Variants in SCHIP1 observed in about 807,000 individuals in gnomAD.
SCHIP1 encodes schwannomin-interacting protein 1.
A neutral mutation model predicts 29.7 loss-of-function variants in SCHIP1; 8 were observed. The observed-to-expected ratio is 0.27, with a 90% CI of 0.16 to 0.49. SCHIP1 has a LOEUF of 0.49. Among genes scored for constraint, SCHIP1 ranks in the 20% least tolerant of loss-of-function variants. The pLI is 0.99. For synonymous variants in SCHIP1, 76 were observed against 94.9 expected (o/e 0.80, Z 1.16); for missense variants, 193 against 294.6 (o/e 0.66, Z 2.52).
chr3:159,695,158 C>T, the SCHIP1 span, among the ~76,000 whole-genome samples: 2 of 152,158 alleles, frequency 1.3e-5, no homozygotes, highest in Non-Finnish European at 2.9e-5. Context: ...ACTAGAGATC[C>T]TATGCTGACC....
At chr3:159,750,884 C>T in the SCHIP1 span, among the ~76,000 whole-genome samples, 8 of 121,384 alleles carry the variant, frequency 6.6e-5, no homozygotes, top group Non-Finnish European at 1.4e-4. Context: ...TTAAAAGACT[C>T]TTCATTTTCC....
At chr3:159,479,661 A>C in the SCHIP1 span, among the ~76,000 whole-genome samples, 1 of 152,196 alleles carries the variant, frequency 6.6e-6, no homozygotes, top group Non-Finnish European at 1.5e-5. Flanking sequence ...TACCTTAAAA[A>C]AAGGATTTCC....
chr3:159,805,222 A>G, the SCHIP1 span, among the ~76,000 whole-genome samples: 5 of 152,192 alleles, frequency 3.3e-5, no homozygotes, highest in Admixed American at 6.5e-5. Context: ...AAGAGCAACT[A>G]CAGTGCCTAT....
chr3:159,582,613 A>G, the SCHIP1 span, among the ~76,000 whole-genome samples: 14 of 152,244 alleles, frequency 9.2e-5, no homozygotes, highest in African/African-American at 3.1e-4. Flanking sequence ...ATATAATGCT[A>G]TTGCACACTT....
At chr3:159,654,580 T>C in the SCHIP1 span, among the ~76,000 whole-genome samples, 1 of 152,002 alleles carries the variant, frequency 6.6e-6, no homozygotes, top group South Asian at 2.1e-4. Context: ...GTCTGGTGCC[T>C]ATAATTTGAG....
chr3:159,630,522 G>A, the SCHIP1 span, among the ~76,000 whole-genome samples: 7 of 152,158 alleles, frequency 4.6e-5, no homozygotes, highest in African/African-American at 1.4e-4. Context: ...ACTAAATAAT[G>A]GCATTTGCAG....
chr3:159,708,107 C>T, the SCHIP1 span, among the ~76,000 whole-genome samples: 2 of 152,188 alleles, frequency 1.3e-5, no homozygotes, highest in Non-Finnish European at 2.9e-5. Context: ...ACAAAGTGGG[C>T]CTGAGTCTTC....
the SCHIP1 span, among the ~76,000 whole-genome samples, chr3:159,493,441 G>A: frequency 5.9e-5 from 9 of 152,092 alleles, no homozygotes; most frequent in Non-Finnish European, 1.2e-4. Flanking sequence ...AAAAAGGCAG[G>A]GGTTGCAATC....
chr3:159,337,091 A>G, the SCHIP1 span, among the ~76,000 whole-genome samples: 9 of 152,334 alleles, frequency 5.9e-5, no homozygotes, highest in African/African-American at 2.2e-4. Flanking sequence ...GAACCAATGA[A>G]GAAAACCATG....
At chr3:159,737,835 C>T in the SCHIP1 span, among the ~76,000 whole-genome samples, 6 of 152,080 alleles carry the variant, frequency 3.9e-5, no homozygotes, top group East Asian at 3.9e-4. Context: ...GATGGGTGCT[C>T]GGTGGGAGAG....
chr3:159,704,417 T>TAAAAAAAAAAAAAAAAAAAAAAAAAAAAA, the SCHIP1 span, among the ~76,000 whole-genome samples: 1 of 92,620 alleles, frequency 1.1e-5, no homozygotes, highest in African/African-American at 4.1e-5. Flanking sequence ...CAATTTTTTC[T>TAAAAAAAAAAAAAAAAAAAAAAAAAAAAA]AAAAAAAAAA....
the SCHIP1 span, among the ~76,000 whole-genome samples, chr3:159,824,443 C>T: frequency 6.6e-6 from 1 of 152,184 alleles, no homozygotes; most frequent in Non-Finnish European, 1.5e-5. Context: ...AGAAGGCATA[C>T]TGGCCTCATT....
the SCHIP1 span, among the ~76,000 whole-genome samples, chr3:159,438,151 G>C: frequency 4.4e-4 from 67 of 152,230 alleles, no homozygotes; most frequent in African/African-American, 1.5e-3. Context: ...TCTTTTGTTT[G>C]ACACAACCTT....
chr3:159,291,464 A>G, the SCHIP1 span, among the ~76,000 whole-genome samples: 3 of 152,174 alleles, frequency 2.0e-5, no homozygotes, highest in Non-Finnish European at 4.4e-5. Flanking sequence ...CAATAAATAT[A>G]GGAAAAGTGA....
At chr3:159,816,226 G>C in the SCHIP1 span, among the ~76,000 whole-genome samples, 8 of 151,482 alleles carry the variant, frequency 5.3e-5, no homozygotes, top group African/African-American at 1.9e-4. Flanking sequence ...TGGGATTACA[G>C]GTGTGAGCCA....
chr3:159,691,562 G>C, the SCHIP1 span, among the ~76,000 whole-genome samples: 1 of 151,938 alleles, frequency 6.6e-6, no homozygotes, highest in South Asian at 2.1e-4. Context: ...CAATTCGCCA[G>C]TCTGTGTCTT....
the SCHIP1 span, among the ~76,000 whole-genome samples, chr3:159,549,059 T>C: frequency 5.9e-5 from 9 of 152,148 alleles, no homozygotes; most frequent in Non-Finnish European, 1.3e-4. Context: ...TTAGCTTAGT[T>C]GAACTGAAAT....
chr3:159,716,778 A>G, the SCHIP1 span, among the ~76,000 whole-genome samples: 2 of 152,212 alleles, frequency 1.3e-5, no homozygotes, highest in African/African-American at 4.8e-5. Context: ...AGACTCCCAC[A>G]CAATAATAAC....
the SCHIP1 span, chr3:159,375,789 G>C: frequency 5.6e-6 from 5 of 887,892 alleles, no homozygotes; most frequent in Non-Finnish European, 6.7e-6. Flanking sequence ...ACTAGGATGG[G>C]TTTTTGGAGT....
Sources: allele counts gnomAD v4.1 joint callset (sites outside exome capture counted in the v4.1 genomes callset), GRCh38; gene constraint gnomAD v4.1.1; transcripts MANE v1.5; gene names NCBI Gene and HGNC (gene_info 2026-07-23, HGNC 2026-07-21).